The following BTF3L4 variants were observed in gnomAD, a reference collection of about 807,000 sequenced individuals.
BTF3L4 encodes the protein basic transcription factor 3 like 4, also known as transcription factor BTF3 homolog 4.
In BTF3L4, 6 loss-of-function variants were observed where a neutral mutation model predicts 16.8. That is an observed-to-expected ratio of 0.36 (90% CI 0.20 to 0.71). The LOEUF is 0.71. Ranked by LOEUF, BTF3L4 falls within the 30% of genes least tolerant of loss-of-function variation. The probability of loss-of-function intolerance (pLI) is 0.58; values close to 1 mark genes in which losing one functional copy is unlikely to be tolerated. For missense variants in BTF3L4, 92 were observed against 186.9 expected (o/e 0.49, Z 2.96); for synonymous variants, 39 against 59.8 (o/e 0.65, Z 1.60).
In BTF3L4 at chr1:52,064,888, C is replaced by T. The variant is rs1686606485; in HGVS notation, c.118C>T (p.Gln40Ter). Residue 40 changes from glutamine to a stop codon, truncating the protein, a stop_gained, in exon 3 of 6, where the codon CAG (glutamine) becomes TAG (stop). Coordinates refer to ENST00000313334, the MANE Select transcript of BTF3L4 (RefSeq NM_152265.5). LOFTEE classifies it high-confidence loss of function. ...AGCCACAGCTGATGACAAAAAGCTT[C>T]AGAGTTCTCTAAAAAAACTGGCTGT... ...RTATADDKKL[Q>*]SSLKKLAVNN... 4 of 1,613,146 alleles carry T rather than the reference C, an allele frequency of 2.5e-6. No individual in the cohort carries two copies.
At chr1:52,066,325 G>A (rs1453018315) in intron 3 of BTF3L4, among the ~76,000 whole-genome samples, 1 of 150,544 alleles carries the variant, frequency 6.6e-6, no homozygotes, top group East Asian at 2.0e-4. Flanking sequence ...CAGAGTAGCT[G>A]GGATTACAGG....
At chr1:52,073,171 C>G (rs1686836934) in intron 3 of BTF3L4, among the ~76,000 whole-genome samples, 1 of 152,090 alleles carries the variant, frequency 6.6e-6, no homozygotes, top group African/African-American at 2.4e-5. Flanking sequence ...GTAATCCTAG[C>G]TACTCAGAAG....
intron 3 of BTF3L4, among the ~76,000 whole-genome samples, chr1:52,073,896 G>A (rs939625927): frequency 4.6e-5 from 7 of 152,018 alleles, no homozygotes; most frequent in Admixed American, 3.3e-4. Context: ...TACTCAGGGG[G>A]CTGAGGCAGA....
At chr1:52,081,844 T>A (rs1643926340) in intron 3 of BTF3L4, among the ~76,000 whole-genome samples, 1 of 152,186 alleles carries the variant, frequency 6.6e-6, no homozygotes, top group Non-Finnish European at 1.5e-5. Flanking sequence ...GGATTTGCCT[T>A]TATTTTCTCT....
chr1:52,066,789 T>C (rs1572023307), intron 3 of BTF3L4, among the ~76,000 whole-genome samples: 1 of 150,204 alleles, frequency 6.7e-6, no homozygotes, highest in South Asian at 2.1e-4. Flanking sequence ...GAGCTTGCAG[T>C]GAGCCGAGAC....
chr1:52,083,351 T>C lies in BTF3L4; in HGVS notation c.180T>C (p.Ile60=). 4.3e-6 allele frequency: 7 copies of C among 1,612,662 alleles called. No individual in the cohort carries two copies. Among genetic ancestry groups the C allele is most frequent in the Non-Finnish European group, 5.9e-6 (7 of 1,178,840 alleles). Residue 60 remains isoleucine (I), a synonymous_variant, in exon 4 of 6, where the codon ATT becomes ATC. Transcript: ENST00000313334. ...NIAGIEEVNM[I]KDDGTVIHFN... is the part of the protein sequence containing the mutation. ...CTGTGATCATACAGGTGAACATGAT[T>C]AAAGATGATGGGACAGTTATTCATT...
Position 52,083,345 on chromosome 1 carries a change from C to T in BTF3L4, c.174C>T (p.Asn58=). The part of the protein sequence containing the change: ...VNNIAGIEEV[N]MIKDDGTVIH... ...TTTCTTCTGTGATCATACAGGTGAACATGATTAAAGATGATGGGACAGTTA... is the reference window on the plus strand; with the variant it reads ...TTTCTTCTGTGATCATACAGGTGAATATGATTAAAGATGATGGGACAGTTA... Residue 58 remains asparagine (N), a synonymous_variant, in exon 4 of 6, where the codon AAC becomes AAT. Transcript: ENST00000313334. 1 of 1,611,974 alleles carries T rather than the reference C, an allele frequency of 6.2e-7. No homozygotes were observed.
intron 3 of BTF3L4, among the ~76,000 whole-genome samples, chr1:52,072,474 C>T (rs991754928): frequency 6.6e-6 from 1 of 152,144 alleles, no homozygotes; most frequent in African/African-American, 2.4e-5. Flanking sequence ...TAAACAATAA[C>T]TCCTTATTCC....
chr1:52,079,970 C>G (rs1365033939), intron 3 of BTF3L4, among the ~76,000 whole-genome samples: 2 of 150,802 alleles, frequency 1.3e-5, no homozygotes, highest in African/African-American at 4.9e-5. Context: ...CTCCCGGGTT[C>G]AAGCGATTCT....
chr1:52,080,510 GTTTTTTGGGTTTT>G (rs1643907545), intron 3 of BTF3L4, among the ~76,000 whole-genome samples: 1 of 116,454 alleles, frequency 8.6e-6, no homozygotes, highest in Admixed American at 9.1e-5. Flanking sequence ...GAAATCTTTG[GTTTTTTGGGTTTT>G]TTTTTTTTTT....
intron 3 of BTF3L4, among the ~76,000 whole-genome samples, chr1:52,074,325 G>T (rs968048075): frequency 6.6e-5 from 10 of 151,580 alleles, no homozygotes; most frequent in Non-Finnish European, 8.8e-5. Flanking sequence ...AAACTCCCAA[G>T]TAGTAGCCGG....
At chr1:52,067,966 C>A (rs1434220140) in intron 3 of BTF3L4, among the ~76,000 whole-genome samples, 2 of 150,410 alleles carry the variant, frequency 1.3e-5, no homozygotes, top group African/African-American at 4.9e-5. Context: ...AGGCAAAGGG[C>A]AGGCACCCTT....
intron 1 of BTF3L4, among the ~76,000 whole-genome samples, chr1:52,058,176 A>G (rs559730791): frequency 3.9e-5 from 6 of 152,342 alleles, no homozygotes; most frequent in Admixed American, 1.3e-4. Flanking sequence ...ATTTAAGTCT[A>G]TGGCAGAGCT....
At chr1:52,086,248 A>G in intron 5 of BTF3L4, 77 bp downstream of exon 5, 2 of 1,144,656 alleles carry the variant, frequency 1.7e-6, no homozygotes, top group Non-Finnish European at 2.6e-6. Flanking sequence ...GATAACTTTT[A>G]GGTTTGTGTT....
intron 3 of BTF3L4, among the ~76,000 whole-genome samples, chr1:52,078,466 G>T (rs1000398724): frequency 6.6e-6 from 1 of 152,048 alleles, no homozygotes; most frequent in Non-Finnish European, 1.5e-5. Context: ...GTCGAATAAG[G>T]CATGGTCTCT....
At chr1:52,077,371 A>G (rs756348772) in intron 3 of BTF3L4, among the ~76,000 whole-genome samples, 5 of 151,934 alleles carry the variant, frequency 3.3e-5, no homozygotes, top group African/African-American at 4.8e-5. Context: ...GCGAAACCCC[A>G]TCTGTACTAA....
chr1:52,079,480 C>G (rs1431771879), intron 3 of BTF3L4, among the ~76,000 whole-genome samples: 1 of 152,070 alleles, frequency 6.6e-6, no homozygotes, highest in Admixed American at 6.6e-5. Context: ...CTTTCTGGAC[C>G]TTTCTATTCC....
rs965022744 is a variant in BTF3L4, at chr1:52,075,323, G to A, written c.169-8017G>A. On this transcript the variant is annotated intron_variant, in intron 3 of 5. Transcript: ENST00000313334. ...AATCCCAGCACTTTGGGAGGATCAC[G>A]AGGTCTGGCCAACATGGTGAAACCC... Among the ~76,000 whole-genome samples the A allele has an allele frequency of 1.6e-4, 24 of 150,390 alleles. No homozygotes were observed. In the East Asian group the frequency reaches 4.1e-3, roughly 26 times the overall value.
At chr1:52,081,501 A>C (rs1409600971) in intron 3 of BTF3L4, among the ~76,000 whole-genome samples, 1 of 152,152 alleles carries the variant, frequency 6.6e-6, no homozygotes, top group Non-Finnish European at 1.5e-5. Context: ...TTCTTTTCCC[A>C]TTCTAAAATT....
Sources: gnomAD v4.1 joint callset for allele counts (sites outside exome capture counted in the v4.1 genomes callset) on GRCh38, gnomAD v4.1.1 for gene constraint, MANE v1.5 for transcripts, NCBI Gene and HGNC (gene_info 2026-07-23, HGNC 2026-07-21) for gene names.